Variants in GPR149 observed in about 807,000 individuals in gnomAD.
GPR149 encodes probable G protein-coupled receptor 149.
A neutral mutation model predicts 50.2 loss-of-function variants in GPR149; 50 were observed. That is an observed-to-expected ratio of 1.00 (90% CI 0.79 to 1.26). The LOEUF is 1.26. Among genes scored for constraint, GPR149 ranks in the 50% most tolerant of loss-of-function variants. GPR149 has a pLI of 0.00. For synonymous variants in GPR149, 405 were observed against 358.2 expected, an observed-to-expected ratio of 1.13 and a Z score of -1.48; for missense variants, 983 against 895.4, an observed-to-expected ratio of 1.10 and a Z score of -1.25.
intron 3 of GPR149, among the ~76,000 whole-genome samples, chr3:154,415,946 G>T (rs1711975748): frequency 6.6e-6 from 1 of 151,812 alleles, no homozygotes. Flanking sequence ...TGACTGGGTG[G>T]AGGCTATAAA....
chr3:154,427,816 A>G (rs1159408375), intron 1 of GPR149, 108 bp from the exon 2 acceptor site: 16 of 1,061,948 alleles, frequency 1.5e-5, no homozygotes, highest in East Asian at 2.6e-5. Context: ...CCTTCTCCTG[A>G]TGGACAGCGG....
intron 3 of GPR149, among the ~76,000 whole-genome samples, chr3:154,401,713 T>C (rs1711553496): frequency 1.3e-5 from 2 of 152,174 alleles, no homozygotes; most frequent in African/African-American, 4.8e-5. Flanking sequence ...TTTGGCTGTA[T>C]AATCATAAGT....
At chr3:154,350,047 T>A (rs74519293) in intron 3 of GPR149, among the ~76,000 whole-genome samples, 1,688 of 151,874 alleles carry the variant, frequency 0.011, 30 homozygotes, top group African/African-American at 0.038. Flanking sequence ...AATAAAAAAA[T>A]TTAGCTAGGC....
chr3:154,394,063 T>G (rs1429207927), intron 3 of GPR149, among the ~76,000 whole-genome samples: 1 of 151,942 alleles, frequency 6.6e-6, no homozygotes, highest in Non-Finnish European at 1.5e-5. Flanking sequence ...GAAGAAATAG[T>G]TCTAAGATTC....
At chr3:154,397,485 C>T (rs765036418) in intron 3 of GPR149, among the ~76,000 whole-genome samples, 89 of 152,072 alleles carry the variant, frequency 5.9e-4, no homozygotes, top group Non-Finnish European at 1.0e-3. Flanking sequence ...ATTATATAAA[C>T]TTAAACTGAA....
intron 3 of GPR149, chr3:154,354,139 G>T (rs1576902158): frequency 8.2e-6 from 4 of 488,044 alleles, no homozygotes; most frequent in South Asian, 1.6e-5. Context: ...TTTCATTTTA[G>T]TTTTTTTTGG....
chr3:154,368,539 A>G (rs543829696), intron 3 of GPR149, among the ~76,000 whole-genome samples: 1 of 152,188 alleles, frequency 6.6e-6, no homozygotes, highest in Admixed American at 6.5e-5. Flanking sequence ...CCCCTTCCTT[A>G]GGGCCTCTCA....
intron 3 of GPR149, among the ~76,000 whole-genome samples, chr3:154,420,321 A>G (rs1341971555): frequency 6.6e-6 from 1 of 151,992 alleles, no homozygotes; most frequent in African/African-American, 2.4e-5. Flanking sequence ...AAAAAATCTC[A>G]TATCAATATC....
At chr3:154,377,958 T>C (rs915722306) in intron 3 of GPR149, among the ~76,000 whole-genome samples, 4 of 152,162 alleles carry the variant, frequency 2.6e-5, no homozygotes, top group South Asian at 4.1e-4. Context: ...ACACAATATG[T>C]AGTTTTTTGG....
In GPR149 at chr3:154,374,323, C is replaced by A. The variant is rs151079659; in HGVS notation, c.1624-36052G>T. 2.2e-3 allele frequency among the ~76,000 whole-genome samples: 335 copies of A among 152,002 alleles called. 1 individual carries two copies. The highest frequency in any genetic ancestry group is 7.9e-3 in the African/African-American group (326 of 41,458). ...CTGAGTAGCCGAGATTACAGGTGTG[C>A]TCCATGACACCCAGATAATTTTTGT... On this transcript the variant is annotated intron_variant, in intron 3 of 3. Coordinates refer to ENST00000389740, the MANE Select transcript of GPR149 (RefSeq NM_001038705.3).
At chr3:154,352,710 A>G (rs1420215886) in intron 3 of GPR149, 6 of 783,970 alleles carry the variant, frequency 7.7e-6, no homozygotes, top group Non-Finnish European at 1.2e-5. Flanking sequence ...GTCAGAAAAA[A>G]TCAACAGCAG....
chr3:154,360,447 C>G (rs995398640), intron 3 of GPR149, among the ~76,000 whole-genome samples: 1 of 151,888 alleles, frequency 6.6e-6, no homozygotes, highest in Non-Finnish European at 1.5e-5. Flanking sequence ...CCAACAATTT[C>G]ACTTAAGAAT....
At chr3:154,400,029 C>T (rs962441517) in intron 3 of GPR149, among the ~76,000 whole-genome samples, 5 of 152,140 alleles carry the variant, frequency 3.3e-5, no homozygotes, top group Non-Finnish European at 7.3e-5. Context: ...CTCTGTTGCC[C>T]AGGCTGGAGT....
At chr3:154,396,806 A>G (rs368881070) in intron 3 of GPR149, among the ~76,000 whole-genome samples, 9 of 151,882 alleles carry the variant, frequency 5.9e-5, no homozygotes, top group East Asian at 1.9e-4. Flanking sequence ...AGACTATCAG[A>G]CTGGAGTAGT....
At chr3:154,413,010 T>G (rs929167024) in intron 3 of GPR149, among the ~76,000 whole-genome samples, 2 of 151,788 alleles carry the variant, frequency 1.3e-5, no homozygotes, top group African/African-American at 4.8e-5. Context: ...ATACTTATAG[T>G]CAACTCATCT....
intron 2 of GPR149, among the ~76,000 whole-genome samples, 186 bp downstream of exon 2, chr3:154,427,320 AAAACCAGCTG>A (rs1712330991): frequency 6.6e-6 from 1 of 151,988 alleles, no homozygotes; most frequent in African/African-American, 2.4e-5. Context: ...GGGGTTTTTC[AAAACCAGCTG>A]AATTTAAAAT....
intron 3 of GPR149, among the ~76,000 whole-genome samples, chr3:154,372,988 A>C (rs1483907818): frequency 6.6e-6 from 1 of 152,182 alleles, no homozygotes; most frequent in African/African-American, 2.4e-5. Flanking sequence ...TTAGAAATTC[A>C]GTAGCAGGAG....
At chr3:154,375,764 G>A (rs1268690681) in intron 3 of GPR149, among the ~76,000 whole-genome samples, 6 of 152,234 alleles carry the variant, frequency 3.9e-5, no homozygotes, top group South Asian at 2.1e-4. Context: ...TAGAAGAGAT[G>A]AGCATTTCAG....
At chr3:154,341,681 A>G (rs960012728) in intron 3 of GPR149, among the ~76,000 whole-genome samples, 1 of 152,122 alleles carries the variant, frequency 6.6e-6, no homozygotes, top group East Asian at 1.9e-4. Context: ...GATTTAATAC[A>G]ATATTAATAA....
Sources: gnomAD v4.1 joint callset for allele counts (sites outside exome capture counted in the v4.1 genomes callset) on GRCh38, gnomAD v4.1.1 for gene constraint, MANE v1.5 for transcripts, NCBI Gene and HGNC (gene_info 2026-07-23, HGNC 2026-07-21) for gene names.